DDX3X: variants seen among roughly 807,000 people sequenced by gnomAD.
DDX3X encodes ATP-dependent RNA helicase DDX3X.
Under a neutral mutation model 52.7 loss-of-function variants are expected in DDX3X, and 4 were observed. The observed-to-expected ratio is 0.08, with a 90% CI of 0.04 to 0.17. The LOEUF (loss-of-function observed/expected upper bound fraction) is 0.17, where lower values mean the gene tolerates loss of function less well. Among genes scored for constraint, DDX3X ranks in the 10% least tolerant of loss-of-function variants. The pLI is 1.00. For missense variants in DDX3X, 222 were observed against 548.6 expected (o/e 0.40, Z 5.95); for synonymous variants, 192 against 178.1 (o/e 1.08, Z -0.62).
chrX:41,340,510 A>G (rs1170429892), intron 3 of DDX3X: 2 of 199,842 alleles, frequency 1.0e-5, no homozygotes, highest in African/African-American at 5.9e-5. Context: ...CCTGTCTTTA[A>G]ACCCTCTACC....
intron 1 of DDX3X, chrX:41,336,657 C>G (rs1464527819): frequency 9.0e-6 from 1 of 111,139 alleles, no homozygotes; most frequent in African/African-American, 3.3e-5. Flanking sequence ...GTAATCCCAG[C>G]TACTCGGGGA....
intron 1 of DDX3X, chrX:41,335,722 G>T (rs1341903936): frequency 2.7e-5 from 3 of 112,150 alleles, no homozygotes; most frequent in Non-Finnish European, 5.6e-5. Context: ...GAATTGATCT[G>T]TTCCTTTGGA....
At chrX:41,343,582 CCT>C (rs981340205) in intron 7 of DDX3X, 153 bp from the exon 8 acceptor site, 10 of 542,968 alleles carry the variant, frequency 1.8e-5, no homozygotes, top group African/African-American at 1.4e-4. Context: ...TTTGCTGACT[CCT>C]CTTAGAGGTG....
At chrX:41,343,921 A>G in intron 8 of DDX3X, 99 bp downstream of exon 8, 1 of 988,012 alleles carries the variant, frequency 1.0e-6, no homozygotes, top group Non-Finnish European at 1.4e-6. Context: ...AATGAAAACC[A>G]GTTTTCAAGT....
chrX:41,346,838 C>CT (rs1468407363), intron 14 of DDX3X, 21 bp from the exon 15 acceptor site: 14 of 1,183,859 alleles, frequency 1.2e-5, no homozygotes, highest in Non-Finnish European at 1.6e-5. Flanking sequence ...TGTTTATATA[C>CT]TTTTTTGGGA....
chrX:41,344,701 GTGC>G, intron 10 of DDX3X: 1 of 329,759 alleles, frequency 3.0e-6, no homozygotes, highest in Non-Finnish European at 5.4e-6. Context: ...GCCTCCCAAA[GTGC>G]TGGGATTACA....
intron 5 of DDX3X, among the ~76,000 whole-genome samples, chrX:41,363,620 C>A (rs2064037729): frequency 9.1e-6 from 1 of 109,664 alleles, no homozygotes; most frequent in East Asian, 2.9e-4. Context: ...CCCGTCTCTA[C>A]TAAAAATTCA....
chrX:41,334,059 G>A (rs2063716658), upstream of DDX3X: 1 of 437,161 alleles, frequency 2.3e-6, no homozygotes, highest in Middle Eastern at 6.4e-4. Flanking sequence ...AGAAGTCGCC[G>A]CGACAGGGAA....
At position 41,347,505 on chromosome X, in the gene DDX3X, C is replaced by CCTTTT. The variant is rs2063942500; in HGVS notation, c.1909+54_1909+55insCTTTT. ...TGGGAAGGGTTTTTTTCCTTTTAGT[C>CCTTTT]ATCTTTTTCAAAGCCTAATTAAACA... is the stretch of plus-strand genomic sequence containing the variant. On this transcript the variant is annotated intron_variant, in intron 16 of 16. Coordinates refer to ENST00000644876, the MANE Select transcript of DDX3X (RefSeq NM_001356.5). 3.4e-6 allele frequency: 4 copies of CCTTTT among 1,185,753 alleles called. No individual in the cohort carries two copies. The African/African-American group carries it at 7.1e-5, about 21-fold the overall frequency.
intron 15 of DDX3X, 32 bp downstream of exon 15, chrX:41,347,044 T>C: frequency 1.9e-6 from 2 of 1,046,702 alleles, no homozygotes; most frequent in Non-Finnish European, 2.7e-6. Context: ...ATGAGGGGAA[T>C]GGGTGTTCAC....
chrX:41,356,454 C>CTTTTTTTTT (rs760583439), intron 5 of DDX3X, among the ~76,000 whole-genome samples: 2 of 65,683 alleles, frequency 3.0e-5, no homozygotes, highest in African/African-American at 6.9e-5. Flanking sequence ...GCCAGTATTT[C>CTTTTTTTTT]TTTTTTTTTT....
rs1569236301 is a variant in DDX3X, at chrX:41,341,556, G to A, written c.224G>A (p.Arg75His). 8.3e-7 allele frequency: 1 copy of A among 1,208,404 alleles called. No homozygotes were observed. The highest frequency in any genetic ancestry group is 1.1e-6 in the Non-Finnish European group (1 of 892,356). The change falls in exon 4 of 17, where the codon CGT becomes CAT. Residue 75 changes from arginine (R) to histidine (H), a missense_variant. This residue lies in a region of DDX3X where 93 missense variants were observed against 123.7 expected (regional missense o/e 0.75). Transcript: ENST00000644876. ...GATGCGTATAGCAGTTTTGGATCTC[G>A]TAGTGATTCAAGAGGGAAGTCTAGC... The part of the protein sequence containing the change: ...DKDAYSSFGS[R>H]SDSRGKSSFF...
Position 41,349,076 on chromosome X carries a change from G to A in DDX3X, c.*1357G>A, listed in dbSNP as rs896229208. The A allele has an allele frequency of 1.8e-5, 2 of 112,277 alleles. No homozygotes were observed. Among genetic ancestry groups the A allele is most frequent in the African/African-American group, 6.5e-5 (2 of 30,841 alleles). The allele number at this position is 112,277 out of a possible 1,213,427, so 9.3% of individuals were successfully genotyped here. Reference sequence around the variant, plus strand: ...GTGCTAATTTTGTGGCCAGAATGCGGTGATCAAAACGCTCCATCTTTTTAC... The same window carrying A: ...GTGCTAATTTTGTGGCCAGAATGCGATGATCAAAACGCTCCATCTTTTTAC... On this transcript the variant is annotated 3_prime_UTR_variant, in exon 17 of 17. Coordinates refer to ENST00000644876, the MANE Select transcript of DDX3X (RefSeq NM_001356.5).
intron 12 of DDX3X, 116 bp from the exon 13 acceptor site, chrX:41,346,113 C>A: frequency 1.6e-6 from 1 of 620,645 alleles, no homozygotes; most frequent in Non-Finnish European, 2.5e-6. Flanking sequence ...GTGTTGAAAG[C>A]CCGTTTTTAA....
At chrX:41,334,419 C>A in intron 1 of DDX3X, 122 bp downstream of exon 1, 1 of 1,129,165 alleles carries the variant, frequency 8.9e-7, no homozygotes, top group South Asian at 2.1e-5. Context: ...CCCGGGCTGG[C>A]GGGTGTGAGT....
downstream of DDX3X, chrX:41,351,506 C>CAAG (rs2063986339): frequency 9.0e-6 from 1 of 111,295 alleles, no homozygotes; most frequent in African/African-American, 3.3e-5. Flanking sequence ...CACAGGCTTG[C>CAAG]TCTTTAGAGC....
chrX:41,333,311 G>C (rs1052552553), upstream of DDX3X: 2 of 110,382 alleles, frequency 1.8e-5, no homozygotes, highest in African/African-American at 6.6e-5. Context: ...GCGCAGGAAG[G>C]TGTCCGGCCA....
chrX:41,341,408 G>T (rs2063848092), intron 3 of DDX3X, 76 bp from the exon 4 acceptor site: 2 of 914,917 alleles, frequency 2.2e-6, no homozygotes, highest in South Asian at 5.1e-5. Context: ...TTCAAATTCA[G>T]AAAGATTGAT....
chrX:41,334,083 G>A (rs939009038), upstream of DDX3X: 9 of 466,006 alleles, frequency 1.9e-5, no homozygotes, highest in East Asian at 3.8e-5. Context: ...CGGTGTGAGA[G>A]GGAGGGCACA....
Sources: allele counts gnomAD v4.1 joint callset (sites outside exome capture counted in the v4.1 genomes callset), GRCh38; gene constraint gnomAD v4.1.1; regional missense constraint gnomAD v4.1.1; transcripts MANE v1.5; gene names NCBI Gene and HGNC (gene_info 2026-07-23, HGNC 2026-07-21).